The following TRPM3 variants were observed in gnomAD, a reference collection of about 807,000 sequenced individuals.
TRPM3 encodes long transient receptor potential channel 3.
In TRPM3, 77 loss-of-function variants were observed where a neutral mutation model predicts 181.2. The observed-to-expected ratio is 0.42, with a 90% CI of 0.35 to 0.51. The LOEUF (loss-of-function observed/expected upper bound fraction) is 0.51, where lower values mean the gene tolerates loss of function less well. Ranked by LOEUF, TRPM3 falls within the 20% of genes least tolerant of loss-of-function variation. The pLI, the probability that TRPM3 is intolerant of heterozygous loss-of-function variation, is 0.01. For missense variants in TRPM3, 1,759 were observed against 2,196.7 expected, an observed-to-expected ratio of 0.80 and a Z score of 3.98; for synonymous variants, 745 against 796.4, an observed-to-expected ratio of 0.94 and a Z score of 1.09.
chr9:70,787,763 C>CTTTTTTTTTTTTTTTTTTTGTTTTT (rs2084049973), intron 6 of TRPM3, among the ~76,000 whole-genome samples: 1 of 68,558 alleles, frequency 1.5e-5, no homozygotes, highest in Non-Finnish European at 2.6e-5. Context: ...TTTTTGGATT[C>CTTTTTTTTTTTTTTTTTTTGTTTTT]TTTTTTTTTT....
intron 1 of TRPM3, among the ~76,000 whole-genome samples, chr9:70,997,454 C>G (rs1337336204): frequency 6.6e-6 from 1 of 152,182 alleles, no homozygotes; most frequent in Non-Finnish European, 1.5e-5. Flanking sequence ...CTCGCCCTCC[C>G]AAAGTGCTAG....
At chr9:71,052,560 T>C (rs1362462164) in intron 1 of TRPM3, among the ~76,000 whole-genome samples, 16 of 152,174 alleles carry the variant, frequency 1.1e-4, no homozygotes, top group Non-Finnish European at 7.3e-5. Flanking sequence ...CTCTATCTAC[T>C]GAAATCAGAA....
At chr9:71,090,723 A>G (rs559664574) in intron 1 of TRPM3, among the ~76,000 whole-genome samples, 2 of 152,278 alleles carry the variant, frequency 1.3e-5, no homozygotes, top group African/African-American at 4.8e-5. Flanking sequence ...CATCCATTCT[A>G]TCATCTTAGA....
intron 1 of TRPM3, among the ~76,000 whole-genome samples, chr9:71,129,263 TTTTTG>T (rs1276170258): frequency 6.6e-6 from 1 of 152,268 alleles, no homozygotes; most frequent in South Asian, 2.1e-4. Context: ...AATGGTCCAG[TTTTTG>T]TTTTGTTTTT....
chr9:71,310,221 C>A (rs902792042), intron 1 of TRPM3, among the ~76,000 whole-genome samples: 1 of 151,842 alleles, frequency 6.6e-6, no homozygotes, highest in African/African-American at 2.4e-5. Context: ...AAATTATAAT[C>A]TATTATGTTG....
chr9:71,383,104 G>A (rs963537970), intron 1 of TRPM3, among the ~76,000 whole-genome samples: 2 of 152,022 alleles, frequency 1.3e-5, no homozygotes, highest in South Asian at 4.2e-4. Context: ...ACTCAATTTT[G>A]CTTTTTTAAA....
intron 1 of TRPM3, among the ~76,000 whole-genome samples, chr9:71,157,439 T>C (rs1748393079): frequency 6.6e-6 from 1 of 152,152 alleles, no homozygotes; most frequent in African/African-American, 2.4e-5. Context: ...ATTTTATTAA[T>C]CCTAAAGTCA....
intron 7 of TRPM3, among the ~76,000 whole-genome samples, chr9:70,766,386 T>C (rs2079124524): frequency 6.6e-6 from 1 of 152,158 alleles, no homozygotes; most frequent in Non-Finnish European, 1.5e-5. Flanking sequence ...TAGAATTCAA[T>C]GGGAATCTAA....
intron 6 of TRPM3, among the ~76,000 whole-genome samples, chr9:70,803,764 T>A (rs2089951985): frequency 6.8e-6 from 1 of 148,032 alleles, no homozygotes; most frequent in South Asian, 2.1e-4. Context: ...TCCCCTTTTT[T>A]ACCTATAGCA....
intron 1 of TRPM3, among the ~76,000 whole-genome samples, chr9:70,904,547 T>C (rs1207133793): frequency 6.6e-6 from 1 of 151,676 alleles, no homozygotes. Context: ...AAGTAGGGAG[T>C]AACCAGAAAA....
intron 1 of TRPM3, among the ~76,000 whole-genome samples, chr9:71,361,031 G>C (rs1282111408): frequency 6.6e-6 from 1 of 152,054 alleles, no homozygotes; most frequent in African/African-American, 2.4e-5. Context: ...TTGTGGCCTA[G>C]GCTGGAGTGC....
intron 1 of TRPM3, among the ~76,000 whole-genome samples, chr9:71,307,456 T>A (rs1172144024): frequency 2.6e-5 from 4 of 152,156 alleles, no homozygotes; most frequent in Non-Finnish European, 5.9e-5. Flanking sequence ...TTTACTGTAA[T>A]TTTTAGAAAT....
At chr9:71,034,478 GTGATA>G (rs1341877955) in intron 1 of TRPM3, among the ~76,000 whole-genome samples, 2 of 152,044 alleles carry the variant, frequency 1.3e-5, no homozygotes, top group African/African-American at 2.4e-5. Context: ...ACTTCTATGT[GTGATA>G]TATAGGATTC....
At chr9:71,318,756 T>TA in intron 1 of TRPM3, among the ~76,000 whole-genome samples, 2 of 152,252 alleles carry the variant, frequency 1.3e-5, no homozygotes, top group African/African-American at 2.4e-5. Context: ...GTGTGTTTTT[T>TA]AAAAAAATTA....
At chr9:71,144,670 CA>C (rs1250063414) in intron 1 of TRPM3, among the ~76,000 whole-genome samples, 4 of 152,120 alleles carry the variant, frequency 2.6e-5, no homozygotes, top group African/African-American at 9.7e-5. Context: ...CTTGACATAT[CA>C]GCAGAAGAAA....
At chr9:70,644,109 T>C (rs1269723974) in intron 9 of TRPM3, among the ~76,000 whole-genome samples, 2 of 152,242 alleles carry the variant, frequency 1.3e-5, no homozygotes, top group African/African-American at 4.8e-5. Flanking sequence ...TGCTGGGAAC[T>C]GATTTGTCAT....
chr9:71,266,527 T>C (rs1207267021), intron 1 of TRPM3, among the ~76,000 whole-genome samples: 1 of 152,200 alleles, frequency 6.6e-6, no homozygotes, highest in Non-Finnish European at 1.5e-5. Flanking sequence ...CTCCCATCTT[T>C]ACTCTCCCCA....
At chr9:71,028,352 A>C (rs1379291599) in intron 1 of TRPM3, among the ~76,000 whole-genome samples, 1 of 152,202 alleles carries the variant, frequency 6.6e-6, no homozygotes, top group African/African-American at 2.4e-5. Flanking sequence ...GTTACCAGCC[A>C]CTACAAAAAC....
intron 1 of TRPM3, among the ~76,000 whole-genome samples, chr9:70,888,665 T>G (rs1260601034): frequency 6.6e-6 from 1 of 152,144 alleles, no homozygotes; most frequent in Non-Finnish European, 1.5e-5. Context: ...GAGCCAGTGA[T>G]AGTTCACTAG....
Sources: gnomAD v4.1 joint callset for allele counts (sites outside exome capture counted in the v4.1 genomes callset) on GRCh38, gnomAD v4.1.1 for gene constraint, MANE v1.5 for transcripts, NCBI Gene and HGNC (gene_info 2026-07-23, HGNC 2026-07-21) for gene names.